CRYGB: variants seen among roughly 807,000 people sequenced by gnomAD.
CRYGB encodes the protein gamma-crystallin B.
CRYGB carries 19 observed loss-of-function variants against 21.3 expected under a neutral mutation model. The observed-to-expected ratio is 0.89, with a 90% confidence interval of 0.62 to 1.31. The LOEUF (loss-of-function observed/expected upper bound fraction) is 1.31, where lower values mean the gene tolerates loss of function less well. CRYGB is among the 50% of genes most tolerant of loss of function. CRYGB has a pLI of 0.00. For missense variants in CRYGB, 254 were observed against 228.4 expected (o/e 1.11, Z -0.72); for synonymous variants, 81 against 81.2 (o/e 1.00, Z 0.01).
intron 2 of CRYGB, 137 bp downstream of exon 2, chr2:208,145,637 C>G: frequency 4.9e-6 from 7 of 1,422,698 alleles, no homozygotes; most frequent in Non-Finnish European, 5.5e-6. Context: ...TGCAGTGAGC[C>G]GAGATCATGC....
At chr2:208,144,422 G>C (rs1023801364) in intron 2 of CRYGB, among the ~76,000 whole-genome samples, 10 of 150,610 alleles carry the variant, frequency 6.6e-5, no homozygotes, top group Non-Finnish European at 1.2e-4. Context: ...TTTGTTTCTT[G>C]AGACAGGGTC....
In CRYGB at chr2:208,143,795, C is replaced by A. The variant is rs149461426; in HGVS notation, c.253-882G>T. On this transcript the variant is annotated intron_variant, in intron 2 of 2. Coordinates refer to ENST00000260988, the MANE Select transcript of CRYGB (RefSeq NM_005210.4). ...GTGCTGGGATCACAGGGGTGAGCCACGCGCCCAGCTCTGTTTCTTATCCAT... is the reference window on the plus strand; with the variant it reads ...GTGCTGGGATCACAGGGGTGAGCCAAGCGCCCAGCTCTGTTTCTTATCCAT... Among the ~76,000 whole-genome samples, 3 of 152,236 alleles carry A rather than the reference C, an allele frequency of 2.0e-5. No individual in the cohort carries two copies. The East Asian group carries it at 5.8e-4, about 29-fold the overall frequency.
chr2:208,142,969 A>C, intron 2 of CRYGB, 56 bp from the exon 3 acceptor site: 1 of 1,532,690 alleles, frequency 6.5e-7, no homozygotes. Context: ...ATGGAAATTA[A>C]AGCTCCAGTC....
chr2:208,143,744 C>T (rs1019203661), intron 2 of CRYGB, among the ~76,000 whole-genome samples: 6 of 152,094 alleles, frequency 3.9e-5, no homozygotes, highest in African/African-American at 1.2e-4. Context: ...GGAGTTCAGG[C>T]GATCCACCCA....
chr2:208,143,192 T>C (rs184940763), intron 2 of CRYGB, among the ~76,000 whole-genome samples: 21 of 152,334 alleles, frequency 1.4e-4, no homozygotes, highest in Admixed American at 3.3e-4. Flanking sequence ...AGAAAGCCTT[T>C]CTCAAAGGAG....
Position 208,145,911 on chromosome 2 carries a change from C to T in CRYGB, c.115G>A (p.Glu39Lys), listed in dbSNP as rs1471532404. The change falls in exon 2 of 3, where the codon GAG (glutamate) becomes AAG (lysine). Residue 39 changes from glutamate to lysine, a missense_variant. Transcript: ENST00000260988. ...TCATAGATCATCCAGCAGCCGCTCTCCACCCTGATGGAGTTGCAGCGGCTG... is the reference window on the plus strand; with the variant it reads ...TCATAGATCATCCAGCAGCCGCTCTTCACCCTGATGGAGTTGCAGCGGCTG... ...YFSRCNSIRV[E>K]SGCWMIYERP... The T allele has an allele frequency of 6.2e-7, 1 of 1,614,074 alleles. No homozygotes were observed. The highest frequency in any genetic ancestry group is 1.7e-5 in the Admixed American group (1 of 60,012).
Position 208,144,821 on chromosome 2 carries a change from C to G in CRYGB, c.252+953G>C, listed in dbSNP as rs186348204. ...GGCCAGGGTGGTCTTGAACTCCTGA[C>G]CTCCTGACCTCGGCCTCCCAAAGTG... On this transcript the variant is annotated intron_variant, in intron 2 of 2. Coordinates refer to ENST00000260988, the MANE Select transcript of CRYGB (RefSeq NM_005210.4). Among the ~76,000 whole-genome samples the G allele has an allele frequency of 1.2e-3, 180 of 151,950 alleles. 1 individual carries two copies. Among genetic ancestry groups the G allele is most frequent in the Non-Finnish European group, 2.0e-3 (139 of 67,926 alleles).
chr2:208,144,611 G>A lies in CRYGB; in HGVS notation c.252+1163C>T, dbSNP rs567314343. Among the ~76,000 whole-genome samples the A allele has an allele frequency of 4.2e-5, 6 of 143,052 alleles. No homozygotes were observed. In the South Asian group the frequency reaches 1.1e-3, roughly 26 times the overall value. 93.8% of individuals were successfully genotyped at this position (143,052 alleles called of 152,430 possible). On this transcript the variant is annotated intron_variant, in intron 2 of 2. Transcript: ENST00000260988. ...TCTTTTCTTTTTTTTTTTTTTTTGA[G>A]ACGGAATCTTGCTCTGTCACCCAGA... is the stretch of plus-strand genomic sequence containing the variant.
chr2:208,145,356 C>T (rs547017969), intron 2 of CRYGB, among the ~76,000 whole-genome samples: 2 of 151,586 alleles, frequency 1.3e-5, no homozygotes, highest in Admixed American at 1.3e-4. Context: ...AAGCAATTCT[C>T]CTGCCCCAGC....
rs745801663 is a variant in CRYGB at position 208,142,742 on chromosome 2, C to T, written c.424G>A (p.Gly142Arg). The T allele has an allele frequency of 6.2e-7, 1 of 1,614,130 alleles. No homozygotes were observed. Among genetic ancestry groups the T allele is most frequent in the Non-Finnish European group, 8.5e-7 (1 of 1,180,028 alleles). ...WILYEMPNYR[G>R]RQYLLRPGEY... ...CCCGGCCTCAGCAGATACTGCCTCC[C>T]CCTGTAGTTGGGCATCTCATAGAGG... The change falls in exon 3 of 3, where the codon GGG (glycine) becomes AGG (arginine). Residue 142 changes from glycine to arginine, a missense_variant. Coordinates refer to ENST00000260988, the MANE Select transcript of CRYGB (RefSeq NM_005210.4).
At position 208,145,910 on chromosome 2, in the gene CRYGB, T is replaced by A; in HGVS notation, c.116A>T (p.Glu39Val). 1 of 1,614,084 alleles carries A rather than the reference T, an allele frequency of 6.2e-7. No individual in the cohort carries two copies. Among genetic ancestry groups the A allele is most frequent in the Non-Finnish European group, 8.5e-7 (1 of 1,180,016 alleles). ...YFSRCNSIRV[E>V]SGCWMIYERP... ...CTCATAGATCATCCAGCAGCCGCTCTCCACCCTGATGGAGTTGCAGCGGCT... is the reference window on the plus strand; with the variant it reads ...CTCATAGATCATCCAGCAGCCGCTCACCACCCTGATGGAGTTGCAGCGGCT... Residue 39 changes from glutamate (E) to valine (V), a missense_variant, in exon 2 of 3, where the codon GAG (glutamate) becomes GTG (valine). Glu to Val is a moderately radical substitution (Grantham distance 121). Coordinates refer to ENST00000260988, the MANE Select transcript of CRYGB (RefSeq NM_005210.4).
In CRYGB at chr2:208,146,158, T is replaced by G; in HGVS notation, c.-38A>C. 1 of 1,612,570 alleles carries G rather than the reference T, an allele frequency of 6.2e-7. No individual in the cohort carries two copies. Among genetic ancestry groups the G allele is most frequent in the Non-Finnish European group, 8.5e-7 (1 of 1,178,756 alleles). ...GAGCAGATGTTTTCTGGTTGCTGTG[T>G]GGGACTGCGGGAACGTCACTGTATG... is the stretch of plus-strand genomic sequence containing the variant. On this transcript the variant is annotated 5_prime_UTR_variant, in exon 1 of 3. Transcript: ENST00000260988.
chr2:208,142,973 T>C, intron 2 of CRYGB, 60 bp from the exon 3 acceptor site: 1 of 1,528,132 alleles, frequency 6.5e-7, no homozygotes, highest in Non-Finnish European at 8.8e-7. Flanking sequence ...AAATTAAAGC[T>C]CCAGTCCCTA....
At chr2:208,144,064 A>G (rs1574337279) in intron 2 of CRYGB, among the ~76,000 whole-genome samples, 1 of 134,622 alleles carries the variant, frequency 7.4e-6, no homozygotes, top group Non-Finnish European at 1.6e-5. Context: ...CTTGTTGCCC[A>G]GGCTGGAGTG....
chr2:208,142,745 T>TCA lies in CRYGB; in HGVS notation c.420_421insTG (p.Arg141Ter). On this transcript the variant is annotated frameshift_variant, in exon 3 of 3. Coordinates refer to ENST00000260988, the MANE Select transcript of CRYGB (RefSeq NM_005210.4). LOFTEE classifies it high-confidence loss of function. ...GGCCTCAGCAGATACTGCCTCCCCCTGTAGTTGGGCATCTCATAGAGGATC... is the reference window on the plus strand; with the variant it reads ...GGCCTCAGCAGATACTGCCTCCCCCTCAGTAGTTGGGCATCTCATAGAGGATC... 1 of 1,614,066 alleles carries TCA rather than the reference T, an allele frequency of 6.2e-7. No homozygotes were observed. The highest frequency in any genetic ancestry group is 8.5e-7 in the Non-Finnish European group (1 of 1,179,998).
rs780391115 is a variant in CRYGB, at chr2:208,146,010, AG to A, written c.15del (p.Phe6SerfsTer39). 1 of 1,614,158 alleles carries A rather than the reference AG, an allele frequency of 6.2e-7. No individual in the cohort carries two copies. Among genetic ancestry groups the A allele is most frequent in the African/African-American group, 1.3e-5 (1 of 75,028 alleles). The part of the protein sequence containing the change: MGKI[T>X]FYEDRAFQGR... ...CCCTGGAAGGCCCTGTCCTCGTAGAAGGTGATCTGAAAAATGGAAGATGTGG... is the reference window on the plus strand; with the variant it reads ...CCCTGGAAGGCCCTGTCCTCGTAGAAGTGATCTGAAAAATGGAAGATGTGG... On this transcript the variant is annotated frameshift_variant, in exon 2 of 3. Coordinates refer to ENST00000260988, the MANE Select transcript of CRYGB (RefSeq NM_005210.4). LOFTEE classifies it high-confidence loss of function.
In CRYGB at chr2:208,142,812, G is replaced by A. The variant is rs1258825822; in HGVS notation, c.354C>T (p.His118=). Residue 118 remains histidine (H), a synonymous_variant, in exon 3 of 3, where the codon CAC becomes CAT. Transcript: ENST00000260988. The stretch of plus-strand genomic sequence containing the variant: ...CATTGAGGGAGTGAATTTCAGTGAG[G>A]TGGAAGCGGTCCTGAACAGAGATAC... ...DDCISVQDRF[H]LTEIHSLNVL... 1 of 1,614,084 alleles carries A rather than the reference G, an allele frequency of 6.2e-7. No individual in the cohort carries two copies. The highest frequency in any genetic ancestry group is 2.2e-5 in the East Asian group (1 of 44,900).
chr2:208,143,489 C>A (rs942246369), intron 2 of CRYGB, among the ~76,000 whole-genome samples: 37 of 147,138 alleles, frequency 2.5e-4, no homozygotes, highest in African/African-American at 8.5e-4. Flanking sequence ...CTCAAAGAAC[C>A]TTTTGTCTCT....
chr2:208,145,847 C>A lies in CRYGB; in HGVS notation c.179G>T (p.Arg60Leu). ...NYQGHQYFLR[R>L]GEYPDYQQWM... Reference sequence around the variant, plus strand: ...TTGCTGGTAGTCAGGGTACTCCCCACGCCGCAGGAAGTACTGGTGGCCCTG... The same window carrying A: ...TTGCTGGTAGTCAGGGTACTCCCCAAGCCGCAGGAAGTACTGGTGGCCCTG... The change falls in exon 2 of 3, where the codon CGT becomes CTT. Residue 60 changes from arginine (R) to leucine (L), a missense_variant. By Grantham distance (102) the Arg-to-Leu change is moderately radical (BLOSUM62 -2). Coordinates refer to ENST00000260988, the MANE Select transcript of CRYGB (RefSeq NM_005210.4). 1 of 1,614,060 alleles carries A rather than the reference C, an allele frequency of 6.2e-7. No homozygotes were observed. Among genetic ancestry groups the A allele is most frequent in the Non-Finnish European group, 8.5e-7 (1 of 1,180,012 alleles).
Sources: allele counts gnomAD v4.1 joint callset (sites outside exome capture counted in the v4.1 genomes callset), GRCh38; gene constraint gnomAD v4.1.1; transcripts MANE v1.5; gene names NCBI Gene and HGNC (gene_info 2026-07-23, HGNC 2026-07-21).